The following SNTG2 variants were observed in gnomAD, a reference collection of about 807,000 sequenced individuals.
The protein encoded by SNTG2 is syntrophin gamma 2.
A neutral mutation model predicts 70.9 loss-of-function variants in SNTG2; 74 were observed. The ratio of observed to expected loss-of-function variants is 1.04; its 90% CI spans 0.86 to 1.27. The LOEUF (loss-of-function observed/expected upper bound fraction) is 1.27, where lower values mean the gene tolerates loss of function less well. Among genes scored for constraint, SNTG2 ranks in the 50% most tolerant of loss-of-function variants. The pLI, the probability that SNTG2 is intolerant of heterozygous loss-of-function variation, is 0.00. For synonymous variants in SNTG2, 278 were observed against 273.8 expected (o/e 1.02, Z -0.15); for missense variants, 717 against 690.7 (o/e 1.04, Z -0.43).
intron 4 of SNTG2, among the ~76,000 whole-genome samples, chr2:1,133,725 T>A (rs1668173543): frequency 6.6e-6 from 1 of 151,996 alleles, no homozygotes; most frequent in Non-Finnish European, 1.5e-5. Context: ...GCTAAAAGTG[T>A]CCGTCAGCTG....
chr2:1,332,098 TGAA>T (rs761442242), intron 16 of SNTG2, among the ~76,000 whole-genome samples: 7 of 152,318 alleles, frequency 4.6e-5, no homozygotes, highest in Non-Finnish European at 1.0e-4. Context: ...TGTCTTCCTG[TGAA>T]GTTGTGTCCT....
chr2:1,199,172 G>C (rs911167349), intron 8 of SNTG2, among the ~76,000 whole-genome samples: 2 of 149,884 alleles, frequency 1.3e-5, no homozygotes, highest in Non-Finnish European at 3.0e-5. Context: ...ACATTAAAAA[G>C]GTAACACACC....
At chr2:1,159,390 A>G (rs1156673469) in intron 6 of SNTG2, 1 of 152,132 alleles carries the variant, frequency 6.6e-6, no homozygotes, top group East Asian at 1.9e-4. Context: ...GCCACAAGGA[A>G]CCCAAGAAGA....
chr2:1,039,939 G>T (rs942671894), intron 1 of SNTG2, among the ~76,000 whole-genome samples: 1 of 152,064 alleles, frequency 6.6e-6, no homozygotes, highest in Non-Finnish European at 1.5e-5. Context: ...GCTCCTTTTG[G>T]CTCTGAGCAG....
At chr2:969,367 G>A (rs1281548296) in intron 1 of SNTG2, among the ~76,000 whole-genome samples, 1 of 139,648 alleles carries the variant, frequency 7.2e-6, no homozygotes, top group African/African-American at 2.8e-5. Flanking sequence ...TGTGCCATAT[G>A]AATTTTATAA....
At chr2:1,114,125 C>T (rs112113384) in intron 4 of SNTG2, among the ~76,000 whole-genome samples, 1,654 of 147,176 alleles carry the variant, frequency 0.011, 33 homozygotes, top group African/African-American at 0.037. Flanking sequence ...TGAGGAGGAT[C>T]GTGTGTACTA....
chr2:1,328,814 C>T (rs1350054155), intron 16 of SNTG2, among the ~76,000 whole-genome samples: 1 of 152,086 alleles, frequency 6.6e-6, no homozygotes, highest in Non-Finnish European at 1.5e-5. Context: ...CACATACACA[C>T]ACATGCACGC....
intron 1 of SNTG2, among the ~76,000 whole-genome samples, chr2:951,443 G>T (rs1031867939): frequency 6.6e-6 from 1 of 152,120 alleles, no homozygotes; most frequent in Non-Finnish European, 1.5e-5. Context: ...GGCCCAGGCG[G>T]TGGCTCGGAC....
intron 9 of SNTG2, among the ~76,000 whole-genome samples, chr2:1,226,289 C>G (rs978277089): frequency 1.3e-5 from 2 of 152,144 alleles, no homozygotes; most frequent in Non-Finnish European, 2.9e-5. Flanking sequence ...GACTGTTGAA[C>G]ACAATGTGTG....
chr2:1,227,857 G>A (rs1232349384), intron 9 of SNTG2, among the ~76,000 whole-genome samples: 1 of 152,204 alleles, frequency 6.6e-6, no homozygotes, highest in Non-Finnish European at 1.5e-5. Context: ...GTGTAAGCGA[G>A]GGCACTTTGC....
intron 4 of SNTG2, among the ~76,000 whole-genome samples, chr2:1,137,035 C>T (rs745738569): frequency 6.6e-6 from 1 of 152,198 alleles, no homozygotes; most frequent in Non-Finnish European, 1.5e-5. Flanking sequence ...GAGGAAGTGA[C>T]ATTCGTTTTC....
At chr2:1,146,649 A>G (rs1669128231) in intron 6 of SNTG2, among the ~76,000 whole-genome samples, 1 of 152,248 alleles carries the variant, frequency 6.6e-6, no homozygotes, top group African/African-American at 2.4e-5. Flanking sequence ...AAGACTTACT[A>G]TAAAGCTAAT....
intron 16 of SNTG2, among the ~76,000 whole-genome samples, chr2:1,359,305 A>G (rs996743352): frequency 1.3e-5 from 2 of 152,196 alleles, no homozygotes; most frequent in African/African-American, 4.8e-5. Flanking sequence ...AAAAAGATTT[A>G]GATCTTGAAT....
At position 955,779 on chromosome 2, in the gene SNTG2, GAACAAAA is replaced by G. The variant is rs1403007368; in HGVS notation, c.72+4712_72+4718del. Among the ~76,000 whole-genome samples the G allele has an allele frequency of 5.9e-5, 9 of 152,324 alleles. No homozygotes were observed. In the East Asian group the frequency reaches 1.7e-3, roughly 29 times the overall value. On this transcript the variant is annotated intron_variant, in intron 1 of 16. Coordinates refer to ENST00000308624, the MANE Select transcript of SNTG2 (RefSeq NM_018968.4). ...GTGGGATACAGCTGCCAGTTGTTCT[GAACAAAA>G]TCATCACTTATTTTGGATTTGGCAG...
At chr2:1,289,520 C>A (rs904760553) in intron 14 of SNTG2, among the ~76,000 whole-genome samples, 3 of 152,180 alleles carry the variant, frequency 2.0e-5, no homozygotes, top group Non-Finnish European at 2.9e-5. Context: ...CAGCACTTAG[C>A]AAACACTGAC....
At chr2:1,240,963 G>A (rs1677009010) in intron 11 of SNTG2, among the ~76,000 whole-genome samples, 1 of 152,078 alleles carries the variant, frequency 6.6e-6, no homozygotes, top group Non-Finnish European at 1.5e-5. Flanking sequence ...TGAAACAGAA[G>A]TTCTGAAACT....
intron 13 of SNTG2, among the ~76,000 whole-genome samples, chr2:1,261,323 A>C (rs1335558531): frequency 6.6e-6 from 1 of 152,244 alleles, no homozygotes; most frequent in Non-Finnish European, 1.5e-5. Flanking sequence ...TATCATAAGA[A>C]CTAATACTTT....
At chr2:1,312,733 G>A (rs1481441354) in intron 15 of SNTG2, among the ~76,000 whole-genome samples, 6 of 152,210 alleles carry the variant, frequency 3.9e-5, no homozygotes, top group South Asian at 2.1e-4. Flanking sequence ...TAGAGCGATT[G>A]GTGCAGACTC....
intron 4 of SNTG2, among the ~76,000 whole-genome samples, chr2:1,113,545 T>TA (rs1666676911): frequency 6.6e-6 from 1 of 151,992 alleles, no homozygotes; most frequent in African/African-American, 2.4e-5. Flanking sequence ...GTTTAACCCT[T>TA]ACAGTCCTTT....
Sources: allele counts gnomAD v4.1 joint callset (sites outside exome capture counted in the v4.1 genomes callset), GRCh38; gene constraint gnomAD v4.1.1; transcripts MANE v1.5; gene names NCBI Gene and HGNC (gene_info 2026-07-23, HGNC 2026-07-21).